The following CALCRL variants were observed in gnomAD, a reference collection of about 807,000 sequenced individuals.
CALCRL encodes the protein calcitonin gene-related peptide type 1 receptor.
CALCRL carries 27 observed loss-of-function variants against 60.4 expected under a neutral mutation model. The observed-to-expected ratio is 0.45, with a 90% confidence interval of 0.33 to 0.62. CALCRL has a LOEUF of 0.62. Ranked by LOEUF, CALCRL falls within the 20% of genes least tolerant of loss-of-function variation. The pLI, the probability that CALCRL is intolerant of heterozygous loss-of-function variation, is 0.03. For synonymous variants in CALCRL, 190 were observed against 182.6 expected (o/e 1.04, Z -0.33); for missense variants, 424 against 540.7 (o/e 0.78, Z 2.14).
chr2:187,402,718 CAGAA>C (rs1395318566), intron 1 of CALCRL, among the ~76,000 whole-genome samples: 9 of 151,746 alleles, frequency 5.9e-5, no homozygotes, highest in Non-Finnish European at 1.3e-4. Context: ...TCCAGTGAAT[CAGAA>C]AGAGTCTCCT....
rs1687143119 is a variant in CALCRL, at chr2:187,363,373, T to TA, written c.627+2dup. 6.2e-7 allele frequency: 1 copy of TA among 1,607,040 alleles called. No homozygotes were observed. Among genetic ancestry groups the TA allele is most frequent in the Non-Finnish European group, 8.5e-7 (1 of 1,177,184 alleles). Reference sequence around the variant, plus strand: ...ACCAAGGGCACAATCTTGGTTTACTTACAGGATTTGTGGCTACTAAGGCCT... The same window carrying TA: ...ACCAAGGGCACAATCTTGGTTTACTTAACAGGATTTGTGGCTACTAAGGCCT... On this transcript the variant is annotated splice_region_variant and intron_variant, in intron 9 of 14. Transcript: ENST00000392370.
At chr2:187,426,889 T>C (rs1690162921) in intron 1 of CALCRL, among the ~76,000 whole-genome samples, 2 of 152,156 alleles carry the variant, frequency 1.3e-5, no homozygotes, top group Non-Finnish European at 2.9e-5. Context: ...TTTTGATTCA[T>C]AATTCATCTT....
At chr2:187,394,747 G>A (rs1029990811) in intron 1 of CALCRL, among the ~76,000 whole-genome samples, 1 of 151,782 alleles carries the variant, frequency 6.6e-6, no homozygotes, top group African/African-American at 2.4e-5. Context: ...CCTGTTTTCT[G>A]TTGCATACTT....
intron 1 of CALCRL, among the ~76,000 whole-genome samples, chr2:187,394,028 A>T (rs960832150): frequency 2.6e-5 from 4 of 152,206 alleles, no homozygotes; most frequent in African/African-American, 9.6e-5. Flanking sequence ...GGTTATCTTG[A>T]GTTATCCAGG....
In CALCRL at chr2:187,353,183, A is replaced by T. The variant is rs549968460; in HGVS notation, c.910-851T>A. On this transcript the variant is annotated intron_variant, in intron 12 of 14. Transcript: ENST00000392370. ...CCAAGTTAGAGTTTATCTCTTTCTT[A>T]TTTTCACCCAGTCAATATCTTTTAC... 3.9e-4 allele frequency among the ~76,000 whole-genome samples: 59 copies of T among 151,922 alleles called. 1 individual carries two copies. The highest frequency in any genetic ancestry group is 9.9e-4 in the Admixed American group (15 of 15,196).
intron 1 of CALCRL, among the ~76,000 whole-genome samples, chr2:187,410,510 C>A (rs1251426807): frequency 1.3e-5 from 2 of 152,042 alleles, no homozygotes; most frequent in Non-Finnish European, 2.9e-5. Context: ...TGTTTTGAAG[C>A]ACTGGCTGTT....
intron 8 of CALCRL, among the ~76,000 whole-genome samples, chr2:187,372,847 A>G (rs1409624529): frequency 8.5e-5 from 13 of 152,154 alleles, no homozygotes; most frequent in Admixed American, 8.5e-4. Flanking sequence ...GAAAGCTAAT[A>G]ATTTCTATTG....
intron 8 of CALCRL, among the ~76,000 whole-genome samples, chr2:187,368,971 A>G (rs1304802162): frequency 3.9e-5 from 6 of 152,140 alleles, no homozygotes; most frequent in Admixed American, 2.0e-4. Flanking sequence ...AGAAGTAGAT[A>G]TAACCTCTTT....
At chr2:187,415,114 G>C (rs1289395506) in intron 1 of CALCRL, among the ~76,000 whole-genome samples, 1 of 152,092 alleles carries the variant, frequency 6.6e-6, no homozygotes, top group African/African-American at 2.4e-5. Context: ...GTTCCTGCAG[G>C]AAGAGTTTTC....
At chr2:187,424,776 T>C (rs1349346681) in intron 1 of CALCRL, among the ~76,000 whole-genome samples, 1 of 151,964 alleles carries the variant, frequency 6.6e-6, no homozygotes, top group Non-Finnish European at 1.5e-5. Flanking sequence ...TACTTCATCA[T>C]ATTCATACTG....
chr2:187,414,779 C>T (rs1400984059), intron 1 of CALCRL, among the ~76,000 whole-genome samples: 1 of 151,988 alleles, frequency 6.6e-6, no homozygotes, highest in Admixed American at 6.6e-5. Context: ...AAGAAACAAC[C>T]AGTGTCTACC....
rs1320832866 is a variant in CALCRL at position 187,342,025 on chromosome 2, A to T, written c.*4159T>A. Among the ~76,000 whole-genome samples the T allele has an allele frequency of 6.6e-6, 1 of 151,944 alleles. No homozygotes were observed. Among genetic ancestry groups the T allele is most frequent in the East Asian group, 1.9e-4 (1 of 5,196 alleles). On this transcript the variant is annotated 3_prime_UTR_variant, in exon 15 of 15. Transcript: ENST00000392370. ...AAGCAAAACAAACATATCCATCAAC[A>T]GACAAATGAATAAATAAAATGTGGT...
At chr2:187,428,549 G>A (rs1034516374) in intron 1 of CALCRL, 1 of 152,154 alleles carries the variant, frequency 6.6e-6, no homozygotes, top group Non-Finnish European at 1.5e-5. Flanking sequence ...AAATTTTAAA[G>A]AGATGATAAG....
At chr2:187,371,731 AT>A (rs11296466) in intron 8 of CALCRL, among the ~76,000 whole-genome samples, 101,481 of 149,800 alleles carry the variant, frequency 0.68, 34,345 homozygotes, top group East Asian at 0.86. Context: ...GCAAGACTCC[AT>A]TTTTTTTTTT....
At chr2:187,440,808 GAT>G (rs1321124164) in intron 1 of CALCRL, among the ~76,000 whole-genome samples, 6 of 152,042 alleles carry the variant, frequency 3.9e-5, no homozygotes, top group African/African-American at 1.4e-4. Flanking sequence ...CTTTCACACT[GAT>G]AACATGGAAC....
chr2:187,426,608 G>A (rs933808205), intron 1 of CALCRL, among the ~76,000 whole-genome samples: 1 of 151,816 alleles, frequency 6.6e-6, no homozygotes, highest in Non-Finnish European at 1.5e-5. Context: ...AAACACAAAC[G>A]ATATATAATA....
At chr2:187,422,648 C>T (rs1405478018) in intron 1 of CALCRL, among the ~76,000 whole-genome samples, 2 of 151,824 alleles carry the variant, frequency 1.3e-5, no homozygotes, top group Non-Finnish European at 2.9e-5. Context: ...AAGAAAATGT[C>T]CAGAAGAACA....
chr2:187,422,146 AG>A (rs541741550), intron 1 of CALCRL, among the ~76,000 whole-genome samples: 3 of 152,210 alleles, frequency 2.0e-5, no homozygotes, highest in Non-Finnish European at 4.4e-5. Context: ...TTGTATCCAC[AG>A]GGCAAGTGTT....
chr2:187,418,218 A>C (rs1172226098), intron 1 of CALCRL, among the ~76,000 whole-genome samples: 1 of 152,168 alleles, frequency 6.6e-6, no homozygotes, highest in Admixed American at 6.5e-5. Context: ...AAGAAAAAAA[A>C]TTGTGTATAT....
Sources: gnomAD v4.1 joint callset for allele counts (sites outside exome capture counted in the v4.1 genomes callset) on GRCh38, gnomAD v4.1.1 for gene constraint, MANE v1.5 for transcripts, NCBI Gene and HGNC (gene_info 2026-07-23, HGNC 2026-07-21) for gene names.